SH2D4B: variants seen among roughly 807,000 people sequenced by gnomAD.
SH2D4B encodes the protein SH2 domain containing 4B, also known as SH2 domain-containing protein 4B.
In SH2D4B, 45 loss-of-function variants were observed where a neutral mutation model predicts 61.5. The observed-to-expected ratio is 0.73, with a 90% CI of 0.58 to 0.94. The LOEUF (loss-of-function observed/expected upper bound fraction) is 0.94, where lower values mean the gene tolerates loss of function less well. Among genes scored for constraint, SH2D4B ranks in the 40% least tolerant of loss-of-function variants. The probability of loss-of-function intolerance (pLI) is 0.00; values close to 1 mark genes in which losing one functional copy is unlikely to be tolerated. For synonymous variants in SH2D4B, 224 were observed against 220.4 expected, an observed-to-expected ratio of 1.02 and a Z score of -0.14; for missense variants, 572 against 574.2, an observed-to-expected ratio of 1.00 and a Z score of 0.04.
rs751738858 is a variant in SH2D4B, at chr10:80,636,045, G to A, written c.1209+1540G>A. On this transcript the variant is annotated intron_variant, in intron 7 of 7. Transcript: ENST00000646907. ...TTCCCACCTATGAGTGAGAACATGC[G>A]GTGTTTGGTTTTCTGTCCTTGTGAT... 3.3e-5 allele frequency among the ~76,000 whole-genome samples: 5 copies of A among 152,134 alleles called. 1 individual carries two copies. The highest frequency in any genetic ancestry group is 7.4e-5 in the Non-Finnish European group (5 of 68,024).
intron 5 of SH2D4B, among the ~76,000 whole-genome samples, chr10:80,607,804 A>G (rs1277353899): frequency 6.6e-6 from 1 of 152,236 alleles, no homozygotes; most frequent in African/African-American, 2.4e-5. Flanking sequence ...CAACAACAAA[A>G]TAAGAATTTA....
chr10:80,570,095 G>A (rs887751498), intron 1 of SH2D4B, 59 bp from the exon 2 acceptor site: 22 of 1,601,840 alleles, frequency 1.4e-5, no homozygotes, highest in Non-Finnish European at 1.9e-5. Context: ...GGGCAGCTTA[G>A]GTCATTCCTT....
chr10:80,576,958 G>A (rs1034009744), intron 3 of SH2D4B, among the ~76,000 whole-genome samples: 2 of 152,164 alleles, frequency 1.3e-5, no homozygotes, highest in African/African-American at 4.8e-5. Context: ...AGTAGAGACA[G>A]GTTTCACCAT....
chr10:80,567,639 G>A (rs916608935), intron 1 of SH2D4B, among the ~76,000 whole-genome samples: 3 of 152,250 alleles, frequency 2.0e-5, no homozygotes, highest in Non-Finnish European at 4.4e-5. Context: ...GAACGTGAGA[G>A]CCACAGTCTC....
rs530954264 is a variant in SH2D4B, at chr10:80,586,192, C to T, written c.496-2438C>T. On this transcript the variant is annotated intron_variant, in intron 3 of 7. Transcript: ENST00000646907. The stretch of plus-strand genomic sequence containing the variant: ...GGGCTCCTGTGCCGCCGAGCCTCCA[C>T]GACGAGCGCCGCCCCCTGCTCCATG... Among the ~76,000 whole-genome samples, 186 of 152,292 alleles carry T rather than the reference C, an allele frequency of 1.2e-3. 1 individual carries two copies. Among genetic ancestry groups the T allele is most frequent in the South Asian group, 5.0e-3 (24 of 4,828 alleles).
intron 6 of SH2D4B, among the ~76,000 whole-genome samples, chr10:80,617,652 C>G (rs1443842761): frequency 2.0e-5 from 3 of 152,154 alleles, no homozygotes; most frequent in Non-Finnish European, 4.4e-5. Context: ...CTGATGTAAC[C>G]TAAAAGAGAA....
intron 7 of SH2D4B, 142 bp from the exon 8 acceptor site, chr10:80,643,851 T>C (rs990499190): frequency 6.1e-6 from 3 of 491,776 alleles, no homozygotes; most frequent in Non-Finnish European, 1.0e-5. Context: ...CAGCTCTTTT[T>C]TCCTGTCATT....
At chr10:80,591,504 G>A (rs1842326003) in intron 4 of SH2D4B, among the ~76,000 whole-genome samples, 2 of 113,376 alleles carry the variant, frequency 1.8e-5, no homozygotes, top group Non-Finnish European at 3.5e-5. Flanking sequence ...AGCCAAACTG[G>A]CTTTTTTTTT....
chr10:80,579,994 C>A (rs1842170483), intron 3 of SH2D4B, among the ~76,000 whole-genome samples: 1 of 152,216 alleles, frequency 6.6e-6, no homozygotes, highest in South Asian at 2.1e-4. Context: ...TTATGGAGCA[C>A]CTGATATCTG....
chr10:80,592,248 G>T lies in SH2D4B; in HGVS notation c.643+3471G>T, dbSNP rs189752195. Among the ~76,000 whole-genome samples the T allele has an allele frequency of 3.4e-3, 515 of 152,186 alleles. 3 individuals are homozygous for T. Among genetic ancestry groups the T allele is most frequent in the South Asian group, 6.2e-3 (30 of 4,822 alleles). On this transcript the variant is annotated intron_variant, in intron 4 of 7. Coordinates refer to ENST00000646907, the MANE Select transcript of SH2D4B (RefSeq NM_001388272.1). ...ATTTTTGAATTTTTGTTGTTGAGTT[G>T]CCAGAGTTCACTATATATTTTGGAT...
At chr10:80,551,468 T>A (rs1321050192) in intron 1 of SH2D4B, among the ~76,000 whole-genome samples, 1 of 151,288 alleles carries the variant, frequency 6.6e-6, no homozygotes, top group Non-Finnish European at 1.5e-5. Flanking sequence ...AGGATTAGTA[T>A]CCAGAAAATA....
At chr10:80,550,083 G>C (rs978568843) in intron 1 of SH2D4B, among the ~76,000 whole-genome samples, 2 of 152,038 alleles carry the variant, frequency 1.3e-5, no homozygotes, top group South Asian at 4.1e-4. Context: ...AGCGGGGGGT[G>C]GGGGAAAGGG....
intron 5 of SH2D4B, among the ~76,000 whole-genome samples, 168 bp from the exon 6 acceptor site, chr10:80,609,256 A>T (rs933547558): frequency 2.0e-5 from 3 of 152,004 alleles, no homozygotes. Context: ...CACCATGCTT[A>T]GCATATTCAT....
chr10:80,564,133 A>G (rs988349554), intron 1 of SH2D4B, among the ~76,000 whole-genome samples: 1 of 152,198 alleles, frequency 6.6e-6, no homozygotes, highest in African/African-American at 2.4e-5. Flanking sequence ...TTTTGTGTGT[A>G]GAAATTTTAA....
chr10:80,589,719 G>T (rs548206368), intron 4 of SH2D4B, among the ~76,000 whole-genome samples: 165 of 152,270 alleles, frequency 1.1e-3, no homozygotes, highest in African/African-American at 3.9e-3. Context: ...GTCCTGGTGG[G>T]TCTGCAGAAG....
chr10:80,600,614 C>A (rs1242106886), intron 4 of SH2D4B, among the ~76,000 whole-genome samples: 5 of 151,870 alleles, frequency 3.3e-5, no homozygotes, highest in African/African-American at 7.3e-5. Flanking sequence ...CTTCTCAGGG[C>A]CTTACCTGGC....
chr10:80,606,173 A>G (rs1467664660), intron 5 of SH2D4B, among the ~76,000 whole-genome samples: 1 of 152,024 alleles, frequency 6.6e-6, no homozygotes, highest in Non-Finnish European at 1.5e-5. Context: ...TGCTAAGAGC[A>G]GATGCATGCC....
intron 6 of SH2D4B, among the ~76,000 whole-genome samples, chr10:80,614,295 G>A (rs1842634747): frequency 6.6e-6 from 1 of 152,250 alleles, no homozygotes; most frequent in African/African-American, 2.4e-5. Context: ...GTGGCAGAAG[G>A]CGAAGCTGGA....
intron 6 of SH2D4B, among the ~76,000 whole-genome samples, chr10:80,629,734 G>A (rs1023449510): frequency 3.9e-5 from 6 of 152,160 alleles, no homozygotes; most frequent in Non-Finnish European, 8.8e-5. Flanking sequence ...TGTGCTAAAC[G>A]TATTCATGCA....
Sources: gnomAD v4.1 joint callset for allele counts (sites outside exome capture counted in the v4.1 genomes callset) on GRCh38, gnomAD v4.1.1 for gene constraint, MANE v1.5 for transcripts, NCBI Gene and HGNC (gene_info 2026-07-23, HGNC 2026-07-21) for gene names.